The following WDR25 variants were observed in gnomAD, a reference collection of about 807,000 sequenced individuals.
WDR25 encodes WD repeat-containing protein 25.
Under a neutral mutation model 47.7 loss-of-function variants are expected in WDR25, and 35 were observed. The ratio of observed to expected loss-of-function variants is 0.73; its 90% confidence interval spans 0.56 to 0.97. The LOEUF is 0.97. Ranked by LOEUF, WDR25 falls within the 50% of genes least tolerant of loss-of-function variation. The pLI is 0.00. For synonymous variants in WDR25, 248 were observed against 278.9 expected (o/e 0.89, Z 1.10); for missense variants, 634 against 704.7 (o/e 0.90, Z 1.14).
At position 100,469,453 on chromosome 14, in the gene WDR25, T is replaced by G. The variant is rs142046057; in HGVS notation, c.970+1285T>G. Among the ~76,000 whole-genome samples, 1,364 of 152,282 alleles carry G rather than the reference T, an allele frequency of 9.0e-3. 26 individuals carry two copies. Among genetic ancestry groups the G allele is most frequent in the African/African-American group, 0.031 (1,289 of 41,560 alleles). On this transcript the variant is annotated intron_variant, in intron 3 of 6. Coordinates refer to ENST00000402312, the MANE Select transcript of WDR25 (RefSeq NM_001161476.3). ...ATTTCCATTTTAAAGGAGAGGAAAC[T>G]GAGGCTCAGAGGGGCAAAGCAGCTT...
At chr14:100,408,419 G>C (rs1897607844) in intron 2 of WDR25, among the ~76,000 whole-genome samples, 2 of 152,172 alleles carry the variant, frequency 1.3e-5, no homozygotes, top group African/African-American at 2.4e-5. Flanking sequence ...ACTCTGTGTG[G>C]AGGGGTTAGG....
chr14:100,509,036 A>AT (rs1901212628), intron 4 of WDR25, among the ~76,000 whole-genome samples: 1 of 152,084 alleles, frequency 6.6e-6, no homozygotes, highest in Admixed American at 6.5e-5. Flanking sequence ...TGATCGATAC[A>AT]TTTTTTCCTA....
At chr14:100,387,885 T>C (rs1296493308) in intron 2 of WDR25, among the ~76,000 whole-genome samples, 1 of 152,234 alleles carries the variant, frequency 6.6e-6, no homozygotes, top group African/African-American at 2.4e-5. Flanking sequence ...GAAGAGATGA[T>C]TTCTGGGGTG....
At chr14:100,418,635 CA>C (rs71113266) in intron 2 of WDR25, among the ~76,000 whole-genome samples, 150 of 129,276 alleles carry the variant, frequency 1.2e-3, no homozygotes, top group African/African-American at 1.7e-3. Context: ...GACTCCGTCT[CA>C]AAAAAAAAAA....
rs1246841767 is a variant in WDR25 at position 100,467,952 on chromosome 14, G to A, written c.823-69G>A. 6.3e-7 allele frequency: 1 copy of A among 1,593,600 alleles called. No homozygotes were observed. The highest frequency in any genetic ancestry group is 8.5e-7 in the Non-Finnish European group (1 of 1,169,592). ...ACCGAGACCTTTTTCTTTCTACAGT[G>A]GGGTCGAGCTGAGCCCTGGAGATCA... On this transcript the variant is annotated intron_variant, in intron 2 of 6. Transcript: ENST00000402312.
intron 4 of WDR25, among the ~76,000 whole-genome samples, chr14:100,491,051 T>C (rs1900545011): frequency 6.6e-6 from 1 of 152,210 alleles, no homozygotes. Context: ...ATCTGTCAAC[T>C]GGGGACGTGG....
At chr14:100,514,093 G>A (rs1247994160) in intron 4 of WDR25, among the ~76,000 whole-genome samples, 1 of 151,674 alleles carries the variant, frequency 6.6e-6, no homozygotes, top group Non-Finnish European at 1.5e-5. Context: ...CCGCCACCAC[G>A]CCCGGCTAAT....
chr14:100,454,442 T>C, intron 2 of WDR25: 1 of 1,287,140 alleles, frequency 7.8e-7, no homozygotes, highest in Non-Finnish European at 1.0e-6. Flanking sequence ...AAATTGAAAA[T>C]TATGTTTGGC....
chr14:100,419,044 C>A (rs982042792), intron 2 of WDR25, among the ~76,000 whole-genome samples: 5 of 152,008 alleles, frequency 3.3e-5, no homozygotes, highest in Admixed American at 1.3e-4. Flanking sequence ...CATGGGGAAA[C>A]CCCATCTCTA....
chr14:100,436,415 T>G (rs1440594251), intron 2 of WDR25, among the ~76,000 whole-genome samples: 1 of 152,216 alleles, frequency 6.6e-6, no homozygotes, highest in Admixed American at 6.5e-5. Context: ...AGAATTCATT[T>G]CCTTTGTTTA....
intron 4 of WDR25, among the ~76,000 whole-genome samples, chr14:100,494,420 T>C (rs1452570433): frequency 1.3e-5 from 2 of 152,266 alleles, no homozygotes; most frequent in Non-Finnish European, 2.9e-5. Flanking sequence ...ATCACTGCCA[T>C]ATTTGAGTCT....
chr14:100,454,734 A>C (rs1432558226), intron 2 of WDR25: 1 of 330,468 alleles, frequency 3.0e-6, no homozygotes, highest in Non-Finnish European at 5.9e-6. Context: ...TACTGGCTTG[A>C]AGAACCAGAG....
chr14:100,466,576 C>A (rs1899635351), intron 2 of WDR25, among the ~76,000 whole-genome samples: 1 of 152,218 alleles, frequency 6.6e-6, no homozygotes, highest in Admixed American at 6.5e-5. Flanking sequence ...ACCTCCTCAG[C>A]CTTCACCACT....
intron 2 of WDR25, among the ~76,000 whole-genome samples, chr14:100,465,153 CT>C (rs139392674): frequency 4.7e-5 from 7 of 149,498 alleles, no homozygotes; most frequent in Admixed American, 1.3e-4. Context: ...ATGAGATCTG[CT>C]TTTTTTTTTC....
chr14:100,471,004 T>G (rs1174364285), intron 3 of WDR25, among the ~76,000 whole-genome samples: 2 of 152,178 alleles, frequency 1.3e-5, no homozygotes, highest in Admixed American at 6.5e-5. Flanking sequence ...ACTCCGCAGT[T>G]GCTTATTGTG....
rs1183996870 is a variant in WDR25 at position 100,529,464 on chromosome 14, G to A, written c.1413+256G>A. 3.3e-6 allele frequency: 2 copies of A among 607,410 alleles called. No individual in the cohort carries two copies. The highest frequency in any genetic ancestry group is 5.8e-6 in the Non-Finnish European group (2 of 346,756). 37.6% of individuals were successfully genotyped at this position (607,410 alleles called of 1,614,324 possible). ...AGACAGGTCTCAGAAGTGGGGGGCA[G>A]GAACAGGACAAAATGGTCATGGGTG... On this transcript the variant is annotated intron_variant, in intron 6 of 6. Coordinates refer to ENST00000402312, the MANE Select transcript of WDR25 (RefSeq NM_001161476.3). The surrounding 1 kb of genome is among the most constrained non-coding windows in gnomAD (Gnocchi z 5.1).
At chr14:100,442,722 T>C (rs1404854393) in intron 2 of WDR25, among the ~76,000 whole-genome samples, 1 of 152,206 alleles carries the variant, frequency 6.6e-6, no homozygotes, top group African/African-American at 2.4e-5. Flanking sequence ...TTTGCCAACC[T>C]TTTCAGGGAA....
At chr14:100,473,627 C>T (rs1460548435) in intron 3 of WDR25, among the ~76,000 whole-genome samples, 3 of 152,140 alleles carry the variant, frequency 2.0e-5, no homozygotes, top group East Asian at 1.9e-4. Flanking sequence ...TGGATGGCCA[C>T]GCTCCAATGA....
At chr14:100,419,367 A>G (rs567840991) in intron 2 of WDR25, among the ~76,000 whole-genome samples, 206 of 152,102 alleles carry the variant, frequency 1.4e-3, no homozygotes, top group African/African-American at 4.8e-3. Context: ...GAGTGTTCAG[A>G]TGAACAGTGT....
Sources: gnomAD v4.1 joint callset for allele counts (sites outside exome capture counted in the v4.1 genomes callset) on GRCh38, gnomAD v4.1.1 for gene constraint, Gnocchi (gnomAD v3.1) non-coding constraint, MANE v1.5 for transcripts, NCBI Gene and HGNC (gene_info 2026-07-23, HGNC 2026-07-21) for gene names.